The following ITPR2 variants were observed in gnomAD, a reference collection of about 807,000 sequenced individuals.
ITPR2 encodes the protein inositol 1,4,5-trisphosphate-gated calcium channel ITPR2.
A neutral mutation model predicts 317.1 loss-of-function variants in ITPR2; 207 were observed. The ratio of observed to expected loss-of-function variants is 0.65; its 90% CI spans 0.58 to 0.73. The LOEUF is 0.73. Among genes scored for constraint, ITPR2 ranks in the 30% least tolerant of loss-of-function variants. The pLI is 0.00. For missense variants in ITPR2, 2,613 were observed against 3,284.0 expected (o/e 0.80, Z 4.99); for synonymous variants, 1,156 against 1,149.1 (o/e 1.01, Z -0.12).
At chr12:26,356,806 C>T (rs1938655117) in intron 55 of ITPR2, among the ~76,000 whole-genome samples, 1 of 152,132 alleles carries the variant, frequency 6.6e-6, no homozygotes, top group African/African-American at 2.4e-5. Flanking sequence ...TTTGGCTTCC[C>T]AAAGTTCTAG....
chr12:26,547,524 C>T (rs1162929005), intron 37 of ITPR2, among the ~76,000 whole-genome samples: 4 of 152,168 alleles, frequency 2.6e-5, no homozygotes, highest in African/African-American at 9.7e-5. Context: ...ACAGAATTAT[C>T]ATTGGATTCA....
At chr12:26,368,309 T>C (rs1269919336) in intron 55 of ITPR2, among the ~76,000 whole-genome samples, 1 of 152,226 alleles carries the variant, frequency 6.6e-6, no homozygotes, top group African/African-American at 2.4e-5. Flanking sequence ...TTATATTTCT[T>C]AGTTTCTAAT....
At chr12:26,605,198 C>T (rs1174364767) in intron 26 of ITPR2, among the ~76,000 whole-genome samples, 2 of 149,832 alleles carry the variant, frequency 1.3e-5, no homozygotes, top group African/African-American at 4.9e-5. Context: ...GAAAACACAA[C>T]CCAGTGGCTA....
chr12:26,574,689 G>A (rs1945235106), intron 34 of ITPR2, among the ~76,000 whole-genome samples: 1 of 152,168 alleles, frequency 6.6e-6, no homozygotes, highest in Admixed American at 6.5e-5. Context: ...CGTTCTGCGG[G>A]CCATACAAGC....
chr12:26,606,928 C>A (rs1946143600), intron 26 of ITPR2, among the ~76,000 whole-genome samples: 1 of 152,092 alleles, frequency 6.6e-6, no homozygotes. Context: ...GAGTGAGACC[C>A]ATCTCAATAA....
intron 34 of ITPR2, among the ~76,000 whole-genome samples, chr12:26,565,727 C>T (rs1944940564): frequency 6.6e-6 from 1 of 150,980 alleles, no homozygotes; most frequent in Non-Finnish European, 1.5e-5. Context: ...CACTTGAGTC[C>T]AGGAGTTTGA....
chr12:26,587,507 T>C (rs1945561822), intron 32 of ITPR2, among the ~76,000 whole-genome samples: 2 of 152,104 alleles, frequency 1.3e-5, no homozygotes, highest in African/African-American at 4.8e-5. Context: ...GTTGCTGAGA[T>C]AGGAATGCAT....
At chr12:26,471,081 ATT>A (rs1297102990) in intron 45 of ITPR2, among the ~76,000 whole-genome samples, 2 of 152,212 alleles carry the variant, frequency 1.3e-5, no homozygotes, top group African/African-American at 4.8e-5. Flanking sequence ...AGAGTGACCC[ATT>A]CTCTCTTGCC....
At chr12:26,707,899 A>C (rs1948583859) in intron 9 of ITPR2, among the ~76,000 whole-genome samples, 1 of 44,058 alleles carries the variant, frequency 2.3e-5, no homozygotes, top group African/African-American at 8.8e-5. Context: ...TCAACAGACA[A>C]AAAAAAAAAT....
chr12:26,598,685 ACT>A (rs1298299182), intron 30 of ITPR2, among the ~76,000 whole-genome samples: 2 of 151,918 alleles, frequency 1.3e-5, no homozygotes, highest in Non-Finnish European at 2.9e-5. Context: ...AAAAAAAATC[ACT>A]GTTAGGTAGT....
At chr12:26,708,353 A>G (rs996686935) in intron 9 of ITPR2, among the ~76,000 whole-genome samples, 1 of 152,198 alleles carries the variant, frequency 6.6e-6, no homozygotes, top group Non-Finnish European at 1.5e-5. Flanking sequence ...ACCTAAGTAT[A>G]CATCAACAGA....
chr12:26,562,759 C>T (rs558734279), intron 34 of ITPR2, among the ~76,000 whole-genome samples: 1 of 150,658 alleles, frequency 6.6e-6, no homozygotes, highest in African/African-American at 2.4e-5. Context: ...CACACCAGGG[C>T]CTGTTGAGGG....
At chr12:26,511,721 T>C (rs978953668) in intron 37 of ITPR2, among the ~76,000 whole-genome samples, 10 of 152,222 alleles carry the variant, frequency 6.6e-5, no homozygotes, top group Admixed American at 5.9e-4. Context: ...AAGTAATTAC[T>C]CTCAGCATAT....
At chr12:26,345,663 C>A (rs1938284803) in intron 55 of ITPR2, among the ~76,000 whole-genome samples, 1 of 152,142 alleles carries the variant, frequency 6.6e-6, no homozygotes, top group South Asian at 2.1e-4. Flanking sequence ...TATGCTTTTC[C>A]ATTGAAAGTA....
At chr12:26,486,426 A>AC (rs397752658) in intron 40 of ITPR2, 66 bp from the exon 41 acceptor site, 2 of 1,294,382 alleles carry the variant, frequency 1.5e-6, no homozygotes, top group Non-Finnish European at 2.1e-6. Context: ...AAAAAAAAAA[A>AC]CAAACCAGGT....
intron 26 of ITPR2, among the ~76,000 whole-genome samples, chr12:26,610,179 C>A (rs1392048264): frequency 1.3e-5 from 2 of 152,168 alleles, no homozygotes; most frequent in African/African-American, 2.4e-5. Flanking sequence ...TGCTTCTGTC[C>A]CAGGCCATCA....
Position 26,631,866 on chromosome 12 carries a change from C to T in ITPR2, c.2934G>A (p.Gln978=), listed in dbSNP as rs1946759766. ...ACCTAGCTTCTGTTAGGCAACACAC[C>T]TGCAAAATCTCAATGATCTTCAGCT... ...DTKLKIIEIL[Q]FILSVRLDYR... is the part of the protein sequence containing the mutation. The change falls in exon 22 of 57, where the codon CAG becomes CAA. Residue 978 remains glutamine, a splice_region_variant and synonymous_variant. Coordinates refer to ENST00000381340, the MANE Select transcript of ITPR2 (RefSeq NM_002223.4). 1 of 1,613,344 alleles carries T rather than the reference C, an allele frequency of 6.2e-7. No homozygotes were observed. Among genetic ancestry groups the T allele is most frequent in the Middle Eastern group, 1.7e-4 (1 of 6,060 alleles).
At chr12:26,443,018 C>T (rs1200081082) in intron 46 of ITPR2, among the ~76,000 whole-genome samples, 1 of 152,072 alleles carries the variant, frequency 6.6e-6, no homozygotes, top group East Asian at 1.9e-4. Flanking sequence ...GGACTGCCAC[C>T]AACCATTAAA....
chr12:26,518,799 G>A (rs918171669), intron 37 of ITPR2, among the ~76,000 whole-genome samples: 2 of 151,834 alleles, frequency 1.3e-5, no homozygotes, highest in African/African-American at 4.8e-5. Context: ...CCCTAGTAAA[G>A]AAAGAAGGAA....
Sources: gnomAD v4.1 joint callset for allele counts (sites outside exome capture counted in the v4.1 genomes callset) on GRCh38, gnomAD v4.1.1 for gene constraint, MANE v1.5 for transcripts, NCBI Gene and HGNC (gene_info 2026-07-23, HGNC 2026-07-21) for gene names.